The following CNBD1 variants were observed in gnomAD, a reference collection of about 807,000 sequenced individuals.
CNBD1 encodes cyclic nucleotide-binding domain-containing protein 1.
In CNBD1, 71 loss-of-function variants were observed where a neutral mutation model predicts 54.4. The ratio of observed to expected loss-of-function variants is 1.30; its 90% CI spans 1.08 to 1.59. CNBD1 has a LOEUF of 1.59. CNBD1 is among the 40% of genes most tolerant of loss of function. The pLI is 0.00. For synonymous variants in CNBD1, 182 were observed against 170.7 expected, an observed-to-expected ratio of 1.07 and a Z score of -0.51; for missense variants, 659 against 518.0, an observed-to-expected ratio of 1.27 and a Z score of -2.64.
At chr8:87,140,538 C>G (rs1812351027) in intron 4 of CNBD1, among the ~76,000 whole-genome samples, 1 of 151,986 alleles carries the variant, frequency 6.6e-6, no homozygotes, top group Non-Finnish European at 1.5e-5. Flanking sequence ...CTTAAGTAAT[C>G]TGTTAATAGT....
chr8:87,032,631 T>G (rs1809819428), intron 4 of CNBD1, among the ~76,000 whole-genome samples: 1 of 152,158 alleles, frequency 6.6e-6, no homozygotes, highest in Non-Finnish European at 1.5e-5. Flanking sequence ...AGGGATACTC[T>G]GTAACTTCAC....
At chr8:87,270,993 A>G (rs1306059094) in intron 6 of CNBD1, among the ~76,000 whole-genome samples, 3 of 151,462 alleles carry the variant, frequency 2.0e-5, no homozygotes, top group Non-Finnish European at 3.0e-5. Flanking sequence ...TCATGGTTCT[A>G]TCTTGGTAGG....
intron 2 of CNBD1, among the ~76,000 whole-genome samples, chr8:87,394,326 A>G (rs1193746553): frequency 1.3e-5 from 2 of 151,970 alleles, no homozygotes; most frequent in African/African-American, 4.8e-5. Flanking sequence ...GGGAATAAAA[A>G]GAAGCAGAAT....
chr8:87,265,940 G>T lies in CNBD1; in HGVS notation c.772-18738G>T, dbSNP rs1353041009. On this transcript the variant is annotated intron_variant, in intron 6 of 10. Transcript: ENST00000518476. ...AAACAAAAAATTCCCAGAAACTTAG[G>T]TAATAATCAGTTGGATAATATCATT... Among the ~76,000 whole-genome samples, 11 of 151,934 alleles carry T rather than the reference G, an allele frequency of 7.2e-5. No individual in the cohort carries two copies. In the East Asian group the frequency reaches 2.1e-3, roughly 29 times the overall value.
intron 2 of CNBD1, among the ~76,000 whole-genome samples, chr8:87,393,461 A>G (rs1253901330): frequency 6.6e-6 from 1 of 151,920 alleles, no homozygotes. Context: ...CATTTTATTC[A>G]ACATGAGTTC....
chr8:87,321,409 C>A (rs1036100620), intron 8 of CNBD1, among the ~76,000 whole-genome samples: 1 of 152,252 alleles, frequency 6.6e-6, no homozygotes, highest in Admixed American at 6.5e-5. Context: ...AAGGCAATAT[C>A]TCTTTGTGAT....
rs925389248 is a variant in CNBD1 at position 86,979,445 on chromosome 8, C to T, written c.431+39691C>T. 7.5e-5 allele frequency among the ~76,000 whole-genome samples: 11 copies of T among 146,862 alleles called. No homozygotes were observed. The East Asian group carries it at 2.0e-3, about 26-fold the overall frequency. ...AAAAAAAAAGGCAAAAACAATTTAG[C>T]CTGCCATGGTGGCACTCACCAGTTA... On this transcript the variant is annotated intron_variant, in intron 4 of 10. Transcript: ENST00000518476.
At chr8:87,137,410 G>A (rs1267021419) in intron 4 of CNBD1, among the ~76,000 whole-genome samples, 1 of 151,280 alleles carries the variant, frequency 6.6e-6, no homozygotes, top group Non-Finnish European at 1.5e-5. Flanking sequence ...CACTGTGTTA[G>A]CCAGGATGAT....
At chr8:87,013,820 G>A (rs572293851) in intron 4 of CNBD1, among the ~76,000 whole-genome samples, 21 of 151,120 alleles carry the variant, frequency 1.4e-4, no homozygotes, top group Non-Finnish European at 2.9e-4. Flanking sequence ...TTTCCCTCTG[G>A]CACACCGAAC....
intron 8 of CNBD1, among the ~76,000 whole-genome samples, chr8:87,300,635 A>C (rs979359332): frequency 2.0e-5 from 3 of 152,064 alleles, no homozygotes; most frequent in African/African-American, 2.4e-5. Context: ...GACACAATGG[A>C]TAGTGCTTGT....
At chr8:87,093,137 T>G (rs972694450) in intron 4 of CNBD1, among the ~76,000 whole-genome samples, 1 of 152,224 alleles carries the variant, frequency 6.6e-6, no homozygotes, top group Non-Finnish European at 1.5e-5. Flanking sequence ...CTTGGCAACT[T>G]ATTTACTGTA....
At chr8:87,420,834 G>A (rs1258348601) in intron 2 of CNBD1, among the ~76,000 whole-genome samples, 2 of 149,724 alleles carry the variant, frequency 1.3e-5, no homozygotes, top group Non-Finnish European at 3.0e-5. Flanking sequence ...ATTAATTCAT[G>A]GTCATATATC....
At chr8:86,876,442 G>A (rs1247152962) in intron 1 of CNBD1, among the ~76,000 whole-genome samples, 1 of 151,592 alleles carries the variant, frequency 6.6e-6, no homozygotes, top group East Asian at 1.9e-4. Context: ...GTTTTCTTAT[G>A]TTGAGTACTT....
intron 3 of CNBD1, among the ~76,000 whole-genome samples, chr8:86,934,861 T>G (rs1406212709): frequency 1.3e-5 from 2 of 152,180 alleles, no homozygotes; most frequent in Non-Finnish European, 2.9e-5. Context: ...TGTTTAGAAA[T>G]TTTGCATCTA....
intron 2 of CNBD1, among the ~76,000 whole-genome samples, chr8:86,888,336 A>C (rs1808711051): frequency 1.3e-5 from 2 of 151,950 alleles, no homozygotes; most frequent in South Asian, 4.2e-4. Context: ...TGCAACTTTG[A>C]TATTGCTTGG....
intron 1 of CNBD1, among the ~76,000 whole-genome samples, chr8:86,873,674 A>C (rs1039275518): frequency 2.0e-5 from 3 of 152,078 alleles, no homozygotes; most frequent in African/African-American, 7.2e-5. Context: ...CCTTGAATTT[A>C]TGTAAGTGTT....
Position 87,313,272 on chromosome 8 carries a change from A to T in CNBD1, c.1042+26601A>T, listed in dbSNP as rs193056359. On this transcript the variant is annotated intron_variant, in intron 8 of 10. Coordinates refer to ENST00000518476, the MANE Select transcript of CNBD1 (RefSeq NM_173538.3). ...GAAAGAATTGCAGGGACTTATTTGG[A>T]GAAAATATTTGTCATAGAATGTAAA... is the stretch of plus-strand genomic sequence containing the variant. Among the ~76,000 whole-genome samples, 6 of 152,184 alleles carry T rather than the reference A, an allele frequency of 3.9e-5. No individual in the cohort carries two copies. The East Asian group carries it at 1.2e-3, about 29-fold the overall frequency.
At chr8:86,906,897 T>C (rs1412381290) in intron 3 of CNBD1, among the ~76,000 whole-genome samples, 2 of 152,128 alleles carry the variant, frequency 1.3e-5, no homozygotes, top group African/African-American at 4.8e-5. Flanking sequence ...AATGTGAAAA[T>C]AAAGAGTGGA....
At chr8:87,123,699 A>G (rs1811934373) in intron 4 of CNBD1, among the ~76,000 whole-genome samples, 1 of 151,766 alleles carries the variant, frequency 6.6e-6, no homozygotes, top group Non-Finnish European at 1.5e-5. Flanking sequence ...GAGACTAGGA[A>G]ACAATAGAAA....
Sources: allele counts gnomAD v4.1 joint callset (sites outside exome capture counted in the v4.1 genomes callset), GRCh38; gene constraint gnomAD v4.1.1; transcripts MANE v1.5; gene names NCBI Gene and HGNC (gene_info 2026-07-23, HGNC 2026-07-21).